ELL: variants seen among roughly 807,000 people sequenced by gnomAD.
The protein encoded by ELL is RNA polymerase II elongation factor ELL.
Under a neutral mutation model 64.0 loss-of-function variants are expected in ELL, and 18 were observed. That is an observed-to-expected ratio of 0.28 (90% confidence interval 0.19 to 0.42). The LOEUF (loss-of-function observed/expected upper bound fraction) is 0.42, where lower values mean the gene tolerates loss of function less well. Ranked by LOEUF, ELL falls within the 10% of genes least tolerant of loss-of-function variation. ELL has a pLI of 1.00. For missense variants in ELL, 797 were observed against 870.4 expected, an observed-to-expected ratio of 0.92 and a Z score of 1.06; for synonymous variants, 399 against 376.2, an observed-to-expected ratio of 1.06 and a Z score of -0.70.
chr19:18,483,817 G>A (rs1313580265), intron 1 of ELL, among the ~76,000 whole-genome samples: 1 of 152,132 alleles, frequency 6.6e-6, no homozygotes, highest in African/African-American at 2.4e-5. Context: ...CCCTCCAAGG[G>A]AGGGACAAGC....
At chr19:18,504,783 C>T (rs1975848851) in intron 1 of ELL, among the ~76,000 whole-genome samples, 1 of 152,188 alleles carries the variant, frequency 6.6e-6, no homozygotes, top group African/African-American at 2.4e-5. Context: ...TCATGAGAAA[C>T]ACTGCATATA....
At chr19:18,472,721 C>A (rs1975089925) in intron 2 of ELL, 114 bp downstream of exon 2, 3 of 1,306,138 alleles carry the variant, frequency 2.3e-6, no homozygotes, top group Non-Finnish European at 3.2e-6. Flanking sequence ...TGCATGGTGG[C>A]AGACAGGGCC....
At chr19:18,509,587 GCGCGCGCACATA>G (rs1055243168) in intron 1 of ELL, among the ~76,000 whole-genome samples, 2 of 112,844 alleles carry the variant, frequency 1.8e-5, no homozygotes, top group African/African-American at 8.5e-5. Context: ...GCACGTGCGC[GCGCGCGCACATA>G]CACACACACA....
At chr19:18,446,658 C>T in intron 9 of ELL, 90 bp downstream of exon 9, 1 of 1,542,794 alleles carries the variant, frequency 6.5e-7, no homozygotes, top group South Asian at 1.2e-5. Flanking sequence ...CTTGCAGTGG[C>T]TTCTACCTCT....
chr19:18,507,287 C>G (rs191401840), intron 1 of ELL, among the ~76,000 whole-genome samples: 3 of 152,370 alleles, frequency 2.0e-5, no homozygotes, highest in Admixed American at 6.5e-5. Context: ...ACACCCAACT[C>G]TGAAAAGGGA....
chr19:18,456,286 T>C (rs1974673451), intron 6 of ELL, among the ~76,000 whole-genome samples: 1 of 152,198 alleles, frequency 6.6e-6, no homozygotes, highest in Non-Finnish European at 1.5e-5. Context: ...CCAGAGTAGG[T>C]ACCTGGCCAG....
intron 2 of ELL, among the ~76,000 whole-genome samples, chr19:18,469,550 A>G (rs1048011338): frequency 6.6e-6 from 1 of 152,202 alleles, no homozygotes; most frequent in Non-Finnish European, 1.5e-5. Flanking sequence ...GTGGGCTGCC[A>G]TGGGGCCCTC....
At chr19:18,487,857 T>C (rs1975452102) in intron 1 of ELL, among the ~76,000 whole-genome samples, 1 of 152,238 alleles carries the variant, frequency 6.6e-6, no homozygotes, top group East Asian at 1.9e-4. Flanking sequence ...ATCTGTACTT[T>C]CAGAATCCGA....
At chr19:18,452,143 C>A (rs188004509) in intron 6 of ELL, among the ~76,000 whole-genome samples, 400 of 152,308 alleles carry the variant, frequency 2.6e-3, no homozygotes, top group African/African-American at 8.3e-3. Flanking sequence ...CACCCCAGTG[C>A]ATGCCCCTTC....
chr19:18,456,281 G>A (rs551233289), intron 6 of ELL, among the ~76,000 whole-genome samples: 8 of 152,358 alleles, frequency 5.3e-5, no homozygotes, highest in African/African-American at 1.9e-4. Flanking sequence ...CCATCCCAGA[G>A]TAGGTACCTG....
intron 1 of ELL, among the ~76,000 whole-genome samples, chr19:18,517,987 A>C (rs1183838398): frequency 6.8e-6 from 1 of 148,128 alleles, no homozygotes; most frequent in Non-Finnish European, 1.5e-5. Flanking sequence ...TTGGGAGGCC[A>C]AGGGAGGAGG....
intron 1 of ELL, among the ~76,000 whole-genome samples, chr19:18,500,342 G>A (rs1440049707): frequency 6.6e-6 from 1 of 151,954 alleles, no homozygotes; most frequent in Non-Finnish European, 1.5e-5. Context: ...GTGTGACCAT[G>A]AGGCTTCCTG....
At position 18,467,941 on chromosome 19, in the gene ELL, C is replaced by T. The variant is rs140009034; in HGVS notation, c.184-2023G>A. Among the ~76,000 whole-genome samples the T allele has an allele frequency of 3.0e-3, 437 of 144,362 alleles. 3 individuals are homozygous for T. Among genetic ancestry groups the T allele is most frequent in the African/African-American group, 0.011 (411 of 38,462 alleles). The allele number at this position is 144,362 out of a possible 152,430, so 94.7% of individuals were successfully genotyped here. A position where few individuals can be genotyped will look rare whatever the true frequency, so the allele number is the denominator to read the frequency against. On this transcript the variant is annotated intron_variant, in intron 2 of 11. Transcript: ENST00000262809. ...CACACAACCATACACACACAATACC[C>T]AACACATAGCGCCACACATACAACC...
intron 6 of ELL, among the ~76,000 whole-genome samples, chr19:18,452,951 T>G (rs1377650642): frequency 6.6e-6 from 1 of 152,106 alleles, no homozygotes; most frequent in African/African-American, 2.4e-5. Flanking sequence ...GAAAAGAGAC[T>G]CCACAGGGAG....
intron 1 of ELL, among the ~76,000 whole-genome samples, chr19:18,490,367 C>T (rs1013510564): frequency 6.6e-6 from 1 of 152,146 alleles, no homozygotes; most frequent in Non-Finnish European, 1.5e-5. Context: ...CAGGGACCAG[C>T]TTCACATTTA....
At chr19:18,516,867 G>A (rs2144982703) in intron 1 of ELL, among the ~76,000 whole-genome samples, 1 of 152,264 alleles carries the variant, frequency 6.6e-6, no homozygotes, top group East Asian at 1.9e-4. Context: ...TCGGAGATGG[G>A]AGGGGTCAGG....
At chr19:18,493,084 G>A (rs920017190) in intron 1 of ELL, among the ~76,000 whole-genome samples, 3 of 152,098 alleles carry the variant, frequency 2.0e-5, no homozygotes, top group Non-Finnish European at 4.4e-5. Flanking sequence ...AGAGGGAAGA[G>A]CAGGCTGCCT....
chr19:18,450,200 G>A (rs1387956315), intron 8 of ELL, among the ~76,000 whole-genome samples: 2 of 152,250 alleles, frequency 1.3e-5, no homozygotes, highest in African/African-American at 2.4e-5. Context: ...TGCGGCCTCA[G>A]TTCCCCACAA....
intron 8 of ELL, among the ~76,000 whole-genome samples, chr19:18,447,623 C>A (rs979348532): frequency 2.6e-5 from 4 of 152,220 alleles, no homozygotes; most frequent in Admixed American, 1.3e-4. Flanking sequence ...TAAGACAACA[C>A]CCCTGAGGGT....
Sources: allele counts gnomAD v4.1 joint callset (sites outside exome capture counted in the v4.1 genomes callset), GRCh38; gene constraint gnomAD v4.1.1; transcripts MANE v1.5; gene names NCBI Gene and HGNC (gene_info 2026-07-23, HGNC 2026-07-21).